NBEA: variants seen among roughly 807,000 people sequenced by gnomAD.
The protein encoded by NBEA is lysosomal-trafficking regulator 2.
Under a neutral mutation model 343.4 loss-of-function variants are expected in NBEA, and 44 were observed. The observed-to-expected ratio is 0.13, with a 90% CI of 0.10 to 0.16. The LOEUF is 0.16. Among genes scored for constraint, NBEA ranks in the 10% least tolerant of loss-of-function variants. NBEA has a pLI of 1.00. For missense variants in NBEA, 2,555 were observed against 3,631.3 expected, an observed-to-expected ratio of 0.70 and a Z score of 7.62; for synonymous variants, 1,175 against 1,238.7, an observed-to-expected ratio of 0.95 and a Z score of 1.08.
intron 49 of NBEA, among the ~76,000 whole-genome samples, chr13:35,640,458 C>A (rs2083893398): frequency 6.6e-6 from 1 of 152,208 alleles, no homozygotes; most frequent in Non-Finnish European, 1.5e-5. Context: ...TGCCTTCCAA[C>A]TGGGCATCTT....
intron 56 of NBEA, among the ~76,000 whole-genome samples, chr13:35,666,898 A>T (rs2085380802): frequency 6.6e-6 from 1 of 152,158 alleles, no homozygotes; most frequent in South Asian, 2.1e-4. Flanking sequence ...TTTACATTTT[A>T]TGCGTATGGA....
At chr13:35,571,144 A>G (rs35414096) in intron 45 of NBEA, among the ~76,000 whole-genome samples, 27,065 of 152,198 alleles carry the variant, frequency 0.18, 2,579 homozygotes, top group South Asian at 0.22. Flanking sequence ...TTCAATAAAC[A>G]TGTGGTACCC....
intron 35 of NBEA, 122 bp downstream of exon 35, chr13:35,290,572 A>G (rs912650642): frequency 6.6e-6 from 4 of 604,466 alleles, no homozygotes; most frequent in Non-Finnish European, 1.2e-5. Context: ...CTATTATCCC[A>G]TAGATGGAGA....
At chr13:35,160,072 G>T (rs1593554567) in intron 22 of NBEA, 40 bp downstream of exon 22, 1 of 1,463,966 alleles carries the variant, frequency 6.8e-7, no homozygotes, top group Non-Finnish European at 9.0e-7. Context: ...AAATAAAAAT[G>T]CATTGAAGAG....
chr13:35,345,642 T>C (rs1055273652), intron 36 of NBEA, among the ~76,000 whole-genome samples: 1 of 152,040 alleles, frequency 6.6e-6, no homozygotes, highest in Non-Finnish European at 1.5e-5. Context: ...GTCACACATC[T>C]TTGACTCCAG....
chr13:35,140,135 G>C (rs370122331), intron 17 of NBEA, among the ~76,000 whole-genome samples: 12 of 151,782 alleles, frequency 7.9e-5, no homozygotes, highest in African/African-American at 2.9e-4. Context: ...TCCCCTTCTT[G>C]AGTAACTGGG....
At chr13:35,003,017 A>C (rs1712126923) in intron 1 of NBEA, among the ~76,000 whole-genome samples, 1 of 152,220 alleles carries the variant, frequency 6.6e-6, no homozygotes, top group South Asian at 2.1e-4. Flanking sequence ...AGGGATAATA[A>C]GAGAGCGTTC....
intron 31 of NBEA, among the ~76,000 whole-genome samples, chr13:35,204,368 T>A (rs2073230518): frequency 6.6e-6 from 1 of 152,082 alleles, no homozygotes; most frequent in Non-Finnish European, 1.5e-5. Context: ...GGCCTCAGAA[T>A]CATGGCAGGA....
chr13:35,395,955 T>A (rs1464007505), intron 38 of NBEA, among the ~76,000 whole-genome samples: 3 of 152,216 alleles, frequency 2.0e-5, no homozygotes, highest in Non-Finnish European at 4.4e-5. Context: ...ACATAGCTAC[T>A]CTGGCATCTT....
intron 10 of NBEA, among the ~76,000 whole-genome samples, chr13:35,091,057 C>A (rs1222959195): frequency 2.0e-5 from 3 of 151,978 alleles, no homozygotes; most frequent in Non-Finnish European, 4.4e-5. Context: ...TTTTTCTTTT[C>A]TTCACGTTGT....
At chr13:35,002,345 G>A (rs1216502049) in intron 1 of NBEA, among the ~76,000 whole-genome samples, 1 of 152,140 alleles carries the variant, frequency 6.6e-6, no homozygotes, top group Non-Finnish European at 1.5e-5. Flanking sequence ...ATTTCATCAG[G>A]GCAGGAACTC....
rs761910981 is a variant in NBEA, at chr13:35,161,840, C to T, written c.3952C>T (p.Arg1318Cys). 9 of 1,611,202 alleles carry T rather than the reference C, an allele frequency of 5.6e-6. No individual in the cohort carries two copies. In the East Asian group the frequency reaches 8.9e-5, roughly 16 times the overall value. The change falls in exon 23 of 59, where the codon CGC (arginine) becomes TGC (cysteine). Residue 1318 changes from arginine (R) to cysteine (C), a missense_variant. By Grantham distance (180) the Arg-to-Cys change is radical. Coordinates refer to ENST00000379939, the MANE Select transcript of NBEA (RefSeq NM_001385012.1). ...AATGCCAATGACTGAGGAACAGCGA[C>T]GCCAGTTTAGCCCAGGTCCACGGAC... is the stretch of plus-strand genomic sequence containing the variant. ...RGMPMTEEQR[R>C]QFSPGPRTTM... is the part of the protein sequence containing the mutation.
intron 41 of NBEA, among the ~76,000 whole-genome samples, chr13:35,486,877 A>G (rs945112605): frequency 1.3e-5 from 2 of 152,032 alleles, no homozygotes; most frequent in Admixed American, 6.6e-5. Context: ...TGTTTACTGA[A>G]TATCAAATTG....
At chr13:35,261,889 AG>A (rs1229757158) in intron 34 of NBEA, among the ~76,000 whole-genome samples, 1 of 152,236 alleles carries the variant, frequency 6.6e-6, no homozygotes, top group Non-Finnish European at 1.5e-5. Flanking sequence ...AACCATGAGC[AG>A]GATTAACACA....
At chr13:35,143,288 TC>T in intron 18 of NBEA, among the ~76,000 whole-genome samples, 1 of 152,356 alleles carries the variant, frequency 6.6e-6, no homozygotes, top group Middle Eastern at 3.4e-3. Context: ...TGTTATGCTC[TC>T]CTCACCTTGC....
chr13:35,544,871 C>T (rs567714942), intron 41 of NBEA, among the ~76,000 whole-genome samples: 13 of 152,192 alleles, frequency 8.5e-5, no homozygotes, highest in African/African-American at 3.1e-4. Flanking sequence ...ATTCAGTTCT[C>T]AAAAATGAAA....
At chr13:35,598,974 A>G (rs1053225167) in intron 47 of NBEA, among the ~76,000 whole-genome samples, 1 of 152,182 alleles carries the variant, frequency 6.6e-6, no homozygotes, top group African/African-American at 2.4e-5. Flanking sequence ...TCTCTTTTGC[A>G]TAGCTTACAC....
intron 44 of NBEA, among the ~76,000 whole-genome samples, chr13:35,559,930 C>CAAAAAA (rs34700584): frequency 9.2e-6 from 1 of 108,976 alleles, no homozygotes; most frequent in Admixed American, 8.9e-5. Flanking sequence ...GACTCCGTCT[C>CAAAAAA]AAAAAAAAAA....
chr13:35,598,547 T>C (rs1369131251), intron 47 of NBEA, among the ~76,000 whole-genome samples: 2 of 152,226 alleles, frequency 1.3e-5, no homozygotes, highest in Non-Finnish European at 2.9e-5. Flanking sequence ...CCCAAGTTGG[T>C]ACAGCAGCTT....
Sources: allele counts gnomAD v4.1 joint callset (sites outside exome capture counted in the v4.1 genomes callset), GRCh38; gene constraint gnomAD v4.1.1; transcripts MANE v1.5; gene names NCBI Gene and HGNC (gene_info 2026-07-23, HGNC 2026-07-21).